Variants in FOXRED2 observed in about 807,000 individuals in gnomAD.
The protein encoded by FOXRED2 is FAD dependent oxidoreductase domain containing 2.
FOXRED2 carries 32 observed loss-of-function variants against 52.5 expected under a neutral mutation model. The observed-to-expected ratio is 0.61, with a 90% confidence interval of 0.46 to 0.82. The LOEUF is 0.82. Ranked by LOEUF, FOXRED2 falls within the 40% of genes least tolerant of loss-of-function variation. The pLI, the probability that FOXRED2 is intolerant of heterozygous loss-of-function variation, is 0.00. For synonymous variants in FOXRED2, 405 were observed against 398.1 expected (o/e 1.02, Z -0.21); for missense variants, 848 against 937.5 (o/e 0.90, Z 1.25).
At position 36,504,137 on chromosome 22, in the gene FOXRED2, C is replaced by T. The variant is rs747913026; in HGVS notation, c.1010G>A (p.Arg337His). The change falls in exon 4 of 9, where the codon CGC (arginine) becomes CAC (histidine). Residue 337 changes from arginine (R) to histidine (H), a missense_variant. By Grantham distance (29) the Arg-to-His change is conservative. Transcript: ENST00000397224. The part of the protein sequence containing the change: ...AMRVPYDRVI[R>H]CLGWNFDFSI... ...GAAGTCAAAGTTCCAGCCCAGGCAG[C>T]GGATTACCCGGTCATAGGGCACGCG... 226 of 1,614,070 alleles carry T rather than the reference C, an allele frequency of 1.4e-4. No homozygotes were observed. The highest frequency in any genetic ancestry group is 1.5e-4 in the Non-Finnish European group (173 of 1,180,030).
At position 36,497,995 on chromosome 22, in the gene FOXRED2, T is replaced by C; in HGVS notation, c.1378A>G (p.Lys460Glu). 2.5e-6 allele frequency: 4 copies of C among 1,613,496 alleles called. No homozygotes were observed. Among genetic ancestry groups the C allele is most frequent in the Non-Finnish European group, 3.4e-6 (4 of 1,179,706 alleles). The part of the protein sequence containing the change: ...FGVLADVILL[K>E]ENSTAFEYLE... ...GGGTGGGGACGGGCTACTCACTCCT[T>C]CAACAGGATGACATCGGCCAGCACA... The change falls in exon 6 of 9, where the codon AAG becomes GAG. Residue 460 changes from lysine to glutamate, a missense_variant. Transcript: ENST00000397224.
chr22:36,504,539 G>T lies in FOXRED2; in HGVS notation c.755C>A (p.Ala252Asp). Residue 252 changes from alanine to aspartate, a missense_variant, in exon 3 of 9, where the codon GCC becomes GAC. Coordinates refer to ENST00000397224, the MANE Select transcript of FOXRED2 (RefSeq NM_001102371.2). ...CCTGAGGTCTCCAACGTAGTGGGTG[G>T]CCCAGGACAGACGGACCCGGGAGCG... ...LSRSRVRLSW[A>D]THYVGDLRAI... 1 of 1,614,162 alleles carries T rather than the reference G, an allele frequency of 6.2e-7. No individual in the cohort carries two copies. Among genetic ancestry groups the T allele is most frequent in the Non-Finnish European group, 8.5e-7 (1 of 1,180,030 alleles).
At chr22:36,491,072 G>A (rs762595762) in intron 8 of FOXRED2, among the ~76,000 whole-genome samples, 20 of 152,036 alleles carry the variant, frequency 1.3e-4, no homozygotes, top group Non-Finnish European at 2.2e-4. Context: ...TGAGGCAGGA[G>A]AATCACTCGA....
At chr22:36,500,934 G>C (rs974885449) in intron 5 of FOXRED2, among the ~76,000 whole-genome samples, 4 of 151,868 alleles carry the variant, frequency 2.6e-5, no homozygotes, top group Non-Finnish European at 5.9e-5. Context: ...CTGTCACCCA[G>C]GCTGGAGTGC....
intron 5 of FOXRED2, among the ~76,000 whole-genome samples, chr22:36,499,266 G>A (rs1933982649): frequency 6.6e-6 from 1 of 152,054 alleles, no homozygotes; most frequent in Admixed American, 6.6e-5. Flanking sequence ...AATATTGAAT[G>A]TCTTTGAGTG....
rs753695770 is a variant in FOXRED2, at chr22:36,498,128, G to T, written c.1245C>A (p.His415Gln). Residue 415 changes from histidine to glutamine, a missense_variant, in exon 6 of 9, where the codon CAC becomes CAA. By Grantham distance (24) the His-to-Gln change is conservative. Transcript: ENST00000397224. ...TVRAVHRLLEHRHHSVTWPAT... is the reference protein window; with the variant it reads ...TVRAVHRLLEQRHHSVTWPAT... ...CGGGCCAGGTGACGCTGTGGTGGCG[G>T]TGCTCCAGGAGCCGGTGAACAGCAC... The T allele has an allele frequency of 1.2e-5, 20 of 1,612,132 alleles. No individual in the cohort carries two copies. The highest frequency in any genetic ancestry group is 1.7e-5 in the Non-Finnish European group (20 of 1,179,954).
At chr22:36,494,888 C>G (rs111300667) in intron 7 of FOXRED2, among the ~76,000 whole-genome samples, 1 of 152,038 alleles carries the variant, frequency 6.6e-6, no homozygotes. Flanking sequence ...CCGCCCGCCT[C>G]GGCCTCCCAA....
Position 36,501,411 on chromosome 22 carries a change from T to C in FOXRED2, c.1050-4A>G, listed in dbSNP as rs749071833. 6.2e-7 allele frequency: 1 copy of C among 1,613,856 alleles called. No individual in the cohort carries two copies. The highest frequency in any genetic ancestry group is 8.5e-7 in the Non-Finnish European group (1 of 1,179,900). ...TCCCGAGTTAAGTCTGAGGGACCTG[T>C]CAGTGGAAAGGGCTGTTCATGAAAA... On this transcript the variant is annotated splice_polypyrimidine_tract_variant and splice_region_variant and intron_variant, in intron 4 of 8. Coordinates refer to ENST00000397224, the MANE Select transcript of FOXRED2 (RefSeq NM_001102371.2).
rs954238414 is a variant in FOXRED2 at position 36,488,416 on chromosome 22, G to A, written c.*1592C>T. On this transcript the variant is annotated 3_prime_UTR_variant, in exon 9 of 9. Transcript: ENST00000397224. ...TGGGATGACAGGCATGCTCCACCAT[G>A]CCCAGCTAATTTTTTTTACCGTTAG... The A allele has an allele frequency of 2.7e-5, 4 of 146,892 alleles. No individual in the cohort carries two copies. Among genetic ancestry groups the A allele is most frequent in the Non-Finnish European group, 6.0e-5 (4 of 67,018 alleles). The allele number at this position is 146,892 out of a possible 1,614,324, so 9.1% of individuals were successfully genotyped here. A position where few individuals can be genotyped will look rare whatever the true frequency, so the allele number is the denominator to read the frequency against.
chr22:36,494,844 G>A (rs1393274852), intron 7 of FOXRED2, among the ~76,000 whole-genome samples: 9 of 151,704 alleles, frequency 5.9e-5, no homozygotes, highest in East Asian at 1.9e-4. Context: ...TCACTATGTC[G>A]GCCAGGATGG....
chr22:36,489,112 A>C lies in FOXRED2; in HGVS notation c.*896T>G, dbSNP rs2564. On this transcript the variant is annotated 3_prime_UTR_variant, in exon 9 of 9. Coordinates refer to ENST00000397224, the MANE Select transcript of FOXRED2 (RefSeq NM_001102371.2). ...CACATGGTGAGCACATATGGGTGCC[A>C]GCCCGAGACAGCAGGATAAGTTTCA... 0.15 allele frequency: 23,117 copies of C among 152,264 alleles called. 2,096 individuals are homozygous for C. Among genetic ancestry groups the C allele is most frequent in the African/African-American group, 0.25 (10,515 of 41,500 alleles). 9.4% of individuals were successfully genotyped at this position (152,264 alleles called of 1,614,324 possible).
At chr22:36,497,952 G>A (rs1933944302) in intron 6 of FOXRED2, 39 bp downstream of exon 6, 1 of 1,592,806 alleles carries the variant, frequency 6.3e-7, no homozygotes, top group Non-Finnish European at 8.6e-7. Context: ...CGTCGGGAAA[G>A]CTGGGCCGAG....
chr22:36,493,542 ATGGGTCC>A, intron 8 of FOXRED2, 84 bp downstream of exon 8: 1 of 1,109,292 alleles, frequency 9.0e-7, no homozygotes, highest in East Asian at 2.4e-5. Flanking sequence ...ATTTCCAGAT[ATGGGTCC>A]TGAAACTCCA....
chr22:36,500,074 G>A (rs1934005329), intron 5 of FOXRED2, among the ~76,000 whole-genome samples: 1 of 152,130 alleles, frequency 6.6e-6, no homozygotes, highest in Non-Finnish European at 1.5e-5. Flanking sequence ...GTGCTGGGAT[G>A]ACAGGTGTGA....
At chr22:36,490,623 C>A (rs1269100642) in intron 8 of FOXRED2, among the ~76,000 whole-genome samples, 2 of 152,376 alleles carry the variant, frequency 1.3e-5, no homozygotes, top group African/African-American at 4.8e-5. Flanking sequence ...CATGAGCAGA[C>A]CCTCGGCCTG....
intron 6 of FOXRED2, among the ~76,000 whole-genome samples, chr22:36,497,666 G>GACT (rs1933937526): frequency 6.6e-6 from 1 of 152,214 alleles, no homozygotes; most frequent in Admixed American, 6.5e-5. Flanking sequence ...GGCTGCCTCT[G>GACT]ACTACTGCTC....
At position 36,500,742 on chromosome 22, in the gene FOXRED2, C is replaced by A. The variant is rs534115393; in HGVS notation, c.1216+499G>T. On this transcript the variant is annotated intron_variant, in intron 5 of 8. Coordinates refer to ENST00000397224, the MANE Select transcript of FOXRED2 (RefSeq NM_001102371.2). The stretch of plus-strand genomic sequence containing the variant: ...GGGACTGCAGGCGCACGCCACCACA[C>A]CTGGCTAATTTTTGTATTTTTAGTA... Among the ~76,000 whole-genome samples the A allele has an allele frequency of 1.6e-4, 25 of 152,006 alleles. No individual in the cohort carries two copies. In the South Asian group the frequency reaches 5.0e-3, roughly 30 times the overall value.
Position 36,506,062 on chromosome 22 carries a change from C to T in FOXRED2, c.361G>A (p.Asp121Asn), listed in dbSNP as rs868819555. 1.9e-6 allele frequency: 3 copies of T among 1,614,226 alleles called. No individual in the cohort carries two copies. Among genetic ancestry groups the T allele is most frequent in the Non-Finnish European group, 2.5e-6 (3 of 1,180,038 alleles). ...AGGTAGCGCACCATGTCGCGGGCGT[C>T]GGGGAAGTAGGCACGCGAGTAGTGT... is the stretch of plus-strand genomic sequence containing the variant. Reference protein sequence around the residue: ...FRHYSRAYFPDARDMVRYLGD... With the variant: ...FRHYSRAYFPNARDMVRYLGD... Residue 121 changes from aspartate to asparagine, a missense_variant, in exon 2 of 9, where the codon GAC (aspartate) becomes AAC (asparagine). Coordinates refer to ENST00000397224, the MANE Select transcript of FOXRED2 (RefSeq NM_001102371.2).
chr22:36,497,682 C>T (rs538440865), intron 6 of FOXRED2, among the ~76,000 whole-genome samples: 3 of 152,224 alleles, frequency 2.0e-5, no homozygotes, highest in Admixed American at 1.3e-4. Flanking sequence ...TGCTCATCCA[C>T]GTGATGCCAA....
Sources: allele counts gnomAD v4.1 joint callset (sites outside exome capture counted in the v4.1 genomes callset), GRCh38; gene constraint gnomAD v4.1.1; transcripts MANE v1.5; gene names NCBI Gene and HGNC (gene_info 2026-07-23, HGNC 2026-07-21).